NRXN1: variants seen among roughly 807,000 people sequenced by gnomAD.
The protein encoded by NRXN1 is neurexin-1.
A neutral mutation model predicts 150.9 loss-of-function variants in NRXN1; 39 were observed. The observed-to-expected ratio is 0.26, with a 90% CI of 0.20 to 0.34. The LOEUF is 0.34. NRXN1 is among the 10% of genes least tolerant of loss of function. The pLI, the probability that NRXN1 is intolerant of heterozygous loss-of-function variation, is 1.00. For missense variants in NRXN1, 1,815 were observed against 1,949.9 expected (o/e 0.93, Z 1.30); for synonymous variants, 924 against 757.0 (o/e 1.22, Z -3.62).
At chr2:50,594,711 T>C (rs895237113) in intron 8 of NRXN1, among the ~76,000 whole-genome samples, 1 of 152,198 alleles carries the variant, frequency 6.6e-6, no homozygotes, top group Non-Finnish European at 1.5e-5. Flanking sequence ...ATTTTAGTTA[T>C]TGATTCTATT....
intron 7 of NRXN1, 87 bp downstream of exon 7, chr2:50,621,139 C>T: frequency 8.4e-7 from 1 of 1,188,138 alleles, no homozygotes; most frequent in Non-Finnish European, 1.2e-6. Context: ...ATGATGTCTA[C>T]AGTTAAAAGA....
intron 22 of NRXN1, among the ~76,000 whole-genome samples, chr2:49,924,677 A>G (rs1668782232): frequency 1.3e-5 from 2 of 152,322 alleles, no homozygotes; most frequent in African/African-American, 4.8e-5. Context: ...TGCTTAAGTC[A>G]TATGAGGCCT....
At chr2:50,943,516 C>T (rs1464593123) in intron 2 of NRXN1, among the ~76,000 whole-genome samples, 1 of 152,140 alleles carries the variant, frequency 6.6e-6, no homozygotes, top group Non-Finnish European at 1.5e-5. Context: ...ATAGCACCTT[C>T]TATAATGATG....
chr2:50,914,825 C>T (rs759447217), intron 5 of NRXN1, among the ~76,000 whole-genome samples: 8 of 151,566 alleles, frequency 5.3e-5, no homozygotes, highest in Non-Finnish European at 1.0e-4. Flanking sequence ...ACTTGACAAA[C>T]TTGTTTAGCT....
chr2:50,777,112 T>C (rs559406120), intron 5 of NRXN1, among the ~76,000 whole-genome samples: 4 of 152,276 alleles, frequency 2.6e-5, no homozygotes, highest in African/African-American at 7.2e-5. Flanking sequence ...CATGAAAATG[T>C]GTATTCTCAG....
intron 15 of NRXN1, among the ~76,000 whole-genome samples, chr2:50,474,982 G>C (rs894850696): frequency 3.4e-4 from 51 of 151,976 alleles, no homozygotes; most frequent in African/African-American, 1.2e-3. Context: ...ACCAAGGTGA[G>C]TTATAGAAAA....
chr2:50,956,723 T>C (rs1278086054), intron 2 of NRXN1, among the ~76,000 whole-genome samples: 1 of 151,170 alleles, frequency 6.6e-6, no homozygotes, highest in Non-Finnish European at 1.5e-5. Flanking sequence ...TCAAAAAATA[T>C]ATAATAATAA....
chr2:50,967,540 G>A lies in NRXN1; in HGVS notation c.773-41585C>T, dbSNP rs148498211. On this transcript the variant is annotated intron_variant, in intron 2 of 22. Transcript: ENST00000401669. ...GGCACTGATTATGTTCTGGAAAACT[G>A]GAAGAATATCATTAATCATTAAGAG... 1.6e-4 allele frequency among the ~76,000 whole-genome samples: 24 copies of A among 151,986 alleles called. No homozygotes were observed. The East Asian group carries it at 4.6e-3, about 29-fold the overall frequency.
At chr2:50,668,374 C>T (rs1391663308) in intron 5 of NRXN1, among the ~76,000 whole-genome samples, 1 of 151,782 alleles carries the variant, frequency 6.6e-6, no homozygotes, top group Non-Finnish European at 1.5e-5. Flanking sequence ...TGCTTCTTTA[C>T]AGTCTACAAG....
At chr2:50,521,129 T>C (rs954836930) in intron 12 of NRXN1, among the ~76,000 whole-genome samples, 2 of 152,148 alleles carry the variant, frequency 1.3e-5, no homozygotes, top group African/African-American at 4.8e-5. Context: ...TATTTGAAAA[T>C]TTAATGGGTG....
intron 17 of NRXN1, among the ~76,000 whole-genome samples, chr2:50,362,663 A>G (rs1327709859): frequency 6.6e-6 from 1 of 152,226 alleles, no homozygotes; most frequent in Non-Finnish European, 1.5e-5. Flanking sequence ...AAATGGCCAT[A>G]CTGCCCAAAG....
intron 15 of NRXN1, among the ~76,000 whole-genome samples, chr2:50,493,377 C>T (rs1229004983): frequency 6.6e-6 from 1 of 152,170 alleles, no homozygotes; most frequent in Non-Finnish European, 1.5e-5. Context: ...AAAAGCCTTC[C>T]AGGTGGTCCC....
intron 2 of NRXN1, among the ~76,000 whole-genome samples, chr2:50,937,603 C>T (rs931937780): frequency 6.6e-6 from 1 of 152,100 alleles, no homozygotes; most frequent in African/African-American, 2.4e-5. Context: ...ATTAGTTAGG[C>T]ATTTCCAAAC....
intron 5 of NRXN1, among the ~76,000 whole-genome samples, chr2:50,680,541 T>A (rs911041783): frequency 1.3e-5 from 2 of 152,008 alleles, no homozygotes; most frequent in African/African-American, 2.4e-5. Context: ...ATAAAAAAAA[T>A]GTCAATCAAC....
chr2:50,120,504 ATAAT>A (rs1703710682), intron 18 of NRXN1, among the ~76,000 whole-genome samples: 1 of 152,230 alleles, frequency 6.6e-6, no homozygotes, highest in Non-Finnish European at 1.5e-5. Flanking sequence ...CTTTTTAAAA[ATAAT>A]TACTTTTCAA....
intron 1 of NRXN1, among the ~76,000 whole-genome samples, chr2:51,029,582 C>T (rs1331411104): frequency 6.6e-6 from 1 of 152,166 alleles, no homozygotes; most frequent in Non-Finnish European, 1.5e-5. Flanking sequence ...AAAAATACAA[C>T]CTATTCAAAT....
chr2:50,995,726 T>G, intron 2 of NRXN1, among the ~76,000 whole-genome samples: 1 of 152,010 alleles, frequency 6.6e-6, no homozygotes. Context: ...TAGTAGTTTC[T>G]CTTTCAGTCA....
intron 17 of NRXN1, among the ~76,000 whole-genome samples, chr2:50,325,122 G>A (rs753117630): frequency 1.1e-4 from 16 of 152,144 alleles, no homozygotes; most frequent in Non-Finnish European, 2.9e-5. Context: ...TCTGTACCCT[G>A]ACATCAAGAA....
chr2:50,530,180 AAC>A (rs2093061832), intron 11 of NRXN1, among the ~76,000 whole-genome samples: 1 of 152,176 alleles, frequency 6.6e-6, no homozygotes, highest in African/African-American at 2.4e-5. Flanking sequence ...AAATAATGAT[AAC>A]ACTGAAAATT....
Sources: gnomAD v4.1 joint callset for allele counts (sites outside exome capture counted in the v4.1 genomes callset) on GRCh38, gnomAD v4.1.1 for gene constraint, MANE v1.5 for transcripts, NCBI Gene and HGNC (gene_info 2026-07-23, HGNC 2026-07-21) for gene names.